The following ARHGEF7 variants were observed in gnomAD, a reference collection of about 807,000 sequenced individuals.
ARHGEF7 encodes the protein PAK-interacting exchange factor beta.
A neutral mutation model predicts 109.8 loss-of-function variants in ARHGEF7; 33 were observed. That is an observed-to-expected ratio of 0.30 (90% CI 0.23 to 0.40). ARHGEF7 has a LOEUF of 0.40. Among genes scored for constraint, ARHGEF7 ranks in the 10% least tolerant of loss-of-function variants. ARHGEF7 has a pLI of 1.00. For synonymous variants in ARHGEF7, 458 were observed against 424.6 expected (o/e 1.08, Z -0.97); for missense variants, 938 against 1,098.5 (o/e 0.85, Z 2.07).
rs778702411 is a variant in ARHGEF7 at position 111,280,254 on chromosome 13, G to T, written c.1507-18G>T. 6.3e-5 allele frequency: 100 copies of T among 1,582,114 alleles called. No individual in the cohort carries two copies. The highest frequency in any genetic ancestry group is 1.0e-4 in the South Asian group (9 of 86,812). ...AGCACTAATTGTTTTTTTTTTTGTG[G>T]GGGGGGGTCTTTTTTAGGGAAAGCT... On this transcript the variant is annotated intron_variant, in intron 13 of 21. Coordinates refer to ENST00000646102, the MANE Select transcript of ARHGEF7 (RefSeq NM_001354046.2).
intron 3 of ARHGEF7, among the ~76,000 whole-genome samples, chr13:111,208,863 G>T (rs2082179555): frequency 6.6e-6 from 1 of 152,130 alleles, no homozygotes; most frequent in East Asian, 1.9e-4. Context: ...GGATGGAAGG[G>T]CATGGGTGCT....
chr13:111,144,094 G>A (rs909558582), intron 1 of ARHGEF7: 5 of 152,194 alleles, frequency 3.3e-5, no homozygotes, highest in Non-Finnish European at 7.3e-5. Context: ...CTGTAGTCTT[G>A]TTGGTCTCTC....
intron 4 of ARHGEF7, among the ~76,000 whole-genome samples, chr13:111,210,510 A>G (rs1247467185): frequency 1.3e-5 from 2 of 152,244 alleles, no homozygotes; most frequent in Admixed American, 1.3e-4. Context: ...GACGCAGAGA[A>G]AGAAACTTAG....
At chr13:111,280,384 C>T (rs769054557) in intron 14 of ARHGEF7, 34 bp downstream of exon 14, 20 of 1,599,250 alleles carry the variant, frequency 1.3e-5, no homozygotes, top group South Asian at 5.6e-5. Flanking sequence ...TGCTGTGTCT[C>T]GGGGAGGAGA....
At position 111,131,831 on chromosome 13, in the gene ARHGEF7, G is replaced by A. The variant is rs2074770240; in HGVS notation, c.165+16140G>A. On this transcript the variant is annotated intron_variant, in intron 1 of 21. Transcript: ENST00000646102. This position sits in a 1 kb window ranked among gnomAD's most constrained non-coding sequence, Gnocchi z 4.4. ...GACAACTGGCCAGCACACACCCAGA[G>A]CCCACATACTGGAGCAATGCAGGCA... is the stretch of plus-strand genomic sequence containing the variant. 6.6e-6 allele frequency among the ~76,000 whole-genome samples: 1 copy of A among 152,230 alleles called. No homozygotes were observed. The highest frequency in any genetic ancestry group is 1.5e-5 in the Non-Finnish European group (1 of 68,042).
rs866285430 is a variant in ARHGEF7 at position 111,177,939 on chromosome 13, A to G, written c.252+23948A>G. 3.3e-5 allele frequency among the ~76,000 whole-genome samples: 5 copies of G among 152,318 alleles called. No individual in the cohort carries two copies. In the South Asian group the frequency reaches 1.0e-3, roughly 32 times the overall value. ...AACAGTGAAGCTTGAACTCGCACGC[A>G]GTGTGGTCCCGAGAACCCTGGAATA... On this transcript the variant is annotated intron_variant, in intron 2 of 21. Coordinates refer to ENST00000646102, the MANE Select transcript of ARHGEF7 (RefSeq NM_001354046.2).
intron 1 of ARHGEF7, among the ~76,000 whole-genome samples, chr13:111,151,265 C>T (rs911958208): frequency 1.3e-5 from 2 of 152,232 alleles, no homozygotes; most frequent in African/African-American, 4.8e-5. Flanking sequence ...TAACACTTAG[C>T]AGACATTTTA....
intron 2 of ARHGEF7, among the ~76,000 whole-genome samples, chr13:111,204,633 A>G (rs552300477): frequency 2.0e-5 from 3 of 152,244 alleles, no homozygotes; most frequent in African/African-American, 7.2e-5. Flanking sequence ...GCCAGTGGCA[A>G]TGTGACCAGC....
chr13:111,294,599 A>G, intron 19 of ARHGEF7: 1 of 985,438 alleles, frequency 1.0e-6, no homozygotes, highest in Non-Finnish European at 1.2e-6. Flanking sequence ...TGAATGTCTA[A>G]CACCATTAGC....
At chr13:111,178,725 C>T (rs894988901) in intron 2 of ARHGEF7, among the ~76,000 whole-genome samples, 1 of 152,236 alleles carries the variant, frequency 6.6e-6, no homozygotes, top group Non-Finnish European at 1.5e-5. Context: ...GGAAGCCACA[C>T]TTTTCTCTAA....
chr13:111,230,090 T>C (rs2085830865), intron 5 of ARHGEF7, among the ~76,000 whole-genome samples: 1 of 152,182 alleles, frequency 6.6e-6, no homozygotes. Flanking sequence ...GGTTTCCTCT[T>C]TGCTTTTGGC....
intron 4 of ARHGEF7, 95 bp downstream of exon 4, chr13:111,210,097 T>C (rs2082314701): frequency 1.3e-6 from 2 of 1,524,342 alleles, no homozygotes; most frequent in South Asian, 1.2e-5. Flanking sequence ...CCATTAATGG[T>C]GTTAAACAGG....
chr13:111,134,276 A>G (rs914581229), intron 1 of ARHGEF7, among the ~76,000 whole-genome samples: 6 of 152,198 alleles, frequency 3.9e-5, no homozygotes, highest in Admixed American at 2.6e-4. Flanking sequence ...TCTTTATAGC[A>G]GCATGATTTA....
intron 2 of ARHGEF7, 96 bp downstream of exon 2, chr13:111,154,087 C>A: frequency 8.0e-7 from 1 of 1,245,630 alleles, no homozygotes; most frequent in Non-Finnish European, 1.1e-6. Context: ...CTGCCTCCTC[C>A]GCGCCCGGAT....
intron 2 of ARHGEF7, 77 bp downstream of exon 2, chr13:111,154,068 C>T: frequency 1.4e-6 from 2 of 1,394,878 alleles, no homozygotes; most frequent in Admixed American, 2.3e-5. Flanking sequence ...TTCGCTCCAG[C>T]CGGACCTCCT....
At chr13:111,249,984 TCTA>T (rs1350941608) in intron 8 of ARHGEF7, among the ~76,000 whole-genome samples, 21 of 152,366 alleles carry the variant, frequency 1.4e-4, no homozygotes, top group Non-Finnish European at 2.4e-4. Flanking sequence ...TTTGAGTGCC[TCTA>T]GGCAGTTACT....
At position 111,129,892 on chromosome 13, in the gene ARHGEF7, G is replaced by A. The variant is rs141260242; in HGVS notation, c.165+14201G>A. On this transcript the variant is annotated intron_variant, in intron 1 of 21. Transcript: ENST00000646102. ...CTTTGAGATGTCTGCCCAAGAAAAT[G>A]GAAACGATACGGCCATACCACGCCT... Among the ~76,000 whole-genome samples the A allele has an allele frequency of 9.2e-5, 14 of 152,324 alleles. No individual in the cohort carries two copies. In the East Asian group the frequency reaches 2.5e-3, roughly 27 times the overall value.
At position 111,217,707 on chromosome 13, in the gene ARHGEF7, T is replaced by G. The variant is rs144138131; in HGVS notation, c.497T>G (p.Leu166Arg). The change falls in exon 5 of 22, where the codon CTG (leucine) becomes CGG (arginine). Residue 166 changes from leucine to arginine, a missense_variant. Around this residue, in one of 4 missense-constraint regions of ARHGEF7, gnomAD observed 585 missense variants for 723.6 expected, o/e 0.81. Transcript: ENST00000646102. The stretch of plus-strand genomic sequence containing the variant: ...ATGACCGATAATAGCAACAATCAAC[T>G]GGTAGTAAGAGCAAAGTTTAACTTC... ...LDMTDNSNNQ[L>R]VVRAKFNFQQ... The G allele has an allele frequency of 1.3e-3, 2,085 of 1,614,222 alleles. 4 individuals are homozygous for G. Among genetic ancestry groups the G allele is most frequent in the Non-Finnish European group, 1.6e-3 (1,912 of 1,180,022 alleles).
chr13:111,232,927 T>C (rs1194965278), intron 5 of ARHGEF7, among the ~76,000 whole-genome samples: 1 of 152,236 alleles, frequency 6.6e-6, no homozygotes, highest in Non-Finnish European at 1.5e-5. Flanking sequence ...GCTTTGGTTT[T>C]GGCTGGCATT....
Sources: gnomAD v4.1 joint callset for allele counts (sites outside exome capture counted in the v4.1 genomes callset) on GRCh38, gnomAD v4.1.1 for gene constraint, gnomAD v4.1.1 regional missense constraint, Gnocchi (gnomAD v3.1) non-coding constraint, MANE v1.5 for transcripts, NCBI Gene and HGNC (gene_info 2026-07-23, HGNC 2026-07-21) for gene names.